IRF6: variants seen among roughly 807,000 people sequenced by gnomAD.
IRF6 encodes the protein Van der Woude syndrome.
A neutral mutation model predicts 51.4 loss-of-function variants in IRF6; 6 were observed. The ratio of observed to expected loss-of-function variants is 0.12; its 90% CI spans 0.06 to 0.23. The LOEUF (loss-of-function observed/expected upper bound fraction) is 0.23, where lower values mean the gene tolerates loss of function less well. Among genes scored for constraint, IRF6 ranks in the 10% least tolerant of loss-of-function variants. The pLI is 1.00. For missense variants in IRF6, 348 were observed against 585.2 expected, an observed-to-expected ratio of 0.59 and a Z score of 4.18; for synonymous variants, 178 against 215.7, an observed-to-expected ratio of 0.83 and a Z score of 1.53.
rs2077844045 is a variant in IRF6 at position 209,787,863 on chromosome 1, C to G, written c.*557G>C. The stretch of plus-strand genomic sequence containing the variant: ...CCCTCTCACTTCCCCCATCAGGGAG[C>G]CAGCTTACTATACTAGCAGAACAGG... On this transcript the variant is annotated 3_prime_UTR_variant, in exon 9 of 9. Transcript: ENST00000367021. The G allele has an allele frequency of 6.5e-6, 1 of 153,492 alleles. No individual in the cohort carries two copies. The highest frequency in any genetic ancestry group is 1.5e-5 in the Non-Finnish European group (1 of 68,812). 9.5% of individuals were successfully genotyped at this position (153,492 alleles called of 1,614,324 possible).
At chr1:209,797,546 C>T (rs1032185333) in intron 3 of IRF6, among the ~76,000 whole-genome samples, 13 of 152,260 alleles carry the variant, frequency 8.5e-5, no homozygotes, top group Admixed American at 7.2e-4. Context: ...AAACATCATG[C>T]TGTCAACCAC....
intron 6 of IRF6, 131 bp downstream of exon 6, chr1:209,792,138 C>A: frequency 9.9e-7 from 1 of 1,007,036 alleles, no homozygotes; most frequent in Non-Finnish European, 1.5e-6. Flanking sequence ...AGCCAGGAAA[C>A]AGAAACAGAG....
At chr1:209,793,539 G>T (rs551629068) in intron 5 of IRF6, among the ~76,000 whole-genome samples, 1 of 152,006 alleles carries the variant, frequency 6.6e-6, no homozygotes. Flanking sequence ...TTCACTAAGC[G>T]GGAATGTAAC....
At chr1:209,804,203 T>G (rs931443197) in intron 1 of IRF6, among the ~76,000 whole-genome samples, 1 of 152,156 alleles carries the variant, frequency 6.6e-6, no homozygotes, top group Non-Finnish European at 1.5e-5. Context: ...TGTGTAGGCT[T>G]TACAATTTTT....
At chr1:209,792,515 C>T in intron 5 of IRF6, 88 bp from the exon 6 acceptor site, 1 of 1,427,088 alleles carries the variant, frequency 7.0e-7, no homozygotes, top group Non-Finnish European at 9.7e-7. Context: ...GGTCAGTAGA[C>T]AAGAACCAAA....
In IRF6 at chr1:209,795,285, C is replaced by G; in HGVS notation, c.508+5G>C. On this transcript the variant is annotated splice_donor_5th_base_variant and intron_variant, in intron 5 of 8. Transcript: ENST00000367021. ...GTCTCTGTACCACCCATCATCCCCA[C>G]TCACCATTGATGTTCAGGAAGGGGA... 2 of 1,614,204 alleles carry G rather than the reference C, an allele frequency of 1.2e-6. No individual in the cohort carries two copies. The highest frequency in any genetic ancestry group is 1.1e-5 in the South Asian group (1 of 91,086).
At chr1:209,804,475 C>G (rs1421056016) in intron 1 of IRF6, among the ~76,000 whole-genome samples, 2 of 152,196 alleles carry the variant, frequency 1.3e-5, no homozygotes, top group Admixed American at 6.5e-5. Context: ...CATCCACTCT[C>G]AAACACACCT....
Position 209,788,387 on chromosome 1 carries a change from TA to T in IRF6, c.*32del. On this transcript the variant is annotated 3_prime_UTR_variant, in exon 9 of 9. Transcript: ENST00000367021. ...AAAAAAATCCATATGTACAATATTA[TA>T]AAAAAGAGAAGGAAGAAGATGGCAT... The T allele has an allele frequency of 7.3e-7, 1 of 1,377,716 alleles. No homozygotes were observed. Among genetic ancestry groups the T allele is most frequent in the Non-Finnish European group, 1.0e-6 (1 of 968,404 alleles). The allele number at this position is 1,377,716 out of a possible 1,614,324, so 85.3% of individuals were successfully genotyped here.
Position 209,790,843 on chromosome 1 carries a change from C to T in IRF6, c.712G>A (p.Gly238Arg), listed in dbSNP as rs1474008593. The change falls in exon 7 of 9, where the codon GGG becomes AGG. Residue 238 changes from glycine (G) to arginine (R), a missense_variant. Gly to Arg is a moderately radical substitution (Grantham distance 125). This residue lies in a region of IRF6 where 125 missense variants were observed against 222.0 expected (regional missense o/e 0.56). Coordinates refer to ENST00000367021, the MANE Select transcript of IRF6 (RefSeq NM_006147.4). The surrounding 1 kb of genome is among the most constrained non-coding windows in gnomAD (Gnocchi z 4.8). ...IKFQYRGKEYGQTMTVSNPQG... is the reference protein window; with the variant it reads ...IKFQYRGKEYRQTMTVSNPQG... Reference sequence around the variant, plus strand: ...GGGTTGCTCACGGTCATGGTCTGCCCGTACTCCTTCCCACGGTACTGAAAC... The same window carrying T: ...GGGTTGCTCACGGTCATGGTCTGCCTGTACTCCTTCCCACGGTACTGAAAC... 13 of 1,613,446 alleles carry T rather than the reference C, an allele frequency of 8.1e-6. No homozygotes were observed. Among genetic ancestry groups the T allele is most frequent in the African/African-American group, 1.3e-5 (1 of 75,032 alleles).
chr1:209,796,368 T>C lies in IRF6; in HGVS notation c.359A>G (p.Gln120Arg), dbSNP rs767916600. The C allele has an allele frequency of 2.5e-6, 4 of 1,614,046 alleles. No homozygotes were observed. Among genetic ancestry groups the C allele is most frequent in the Non-Finnish European group, 1.7e-6 (2 of 1,180,016 alleles). ...CTCACCTGGGTTAATGATCGAGCCCTGGGGCTGAGGGATGTCACACACTTG... is the reference window on the plus strand; with the variant it reads ...CTCACCTGGGTTAATGATCGAGCCCCGGGGCTGAGGGATGTCACACACTTG... ...IYQVCDIPQPQGSIINPGSTG... is the reference protein window; with the variant it reads ...IYQVCDIPQPRGSIINPGSTG... Residue 120 changes from glutamine (Q) to arginine (R), a missense_variant, in exon 4 of 9, where the codon CAG becomes CGG. Gln to Arg is a conservative substitution (Grantham distance 43). Around this residue, in one of 5 missense-constraint regions of IRF6, gnomAD observed 124 missense variants for 141.6 expected, o/e 0.88. Transcript: ENST00000367021. The surrounding 1 kb of genome is among the most constrained non-coding windows in gnomAD (Gnocchi z 4.5).
chr1:209,803,472 C>A (rs1305941321), intron 1 of IRF6, among the ~76,000 whole-genome samples: 1 of 152,186 alleles, frequency 6.6e-6, no homozygotes, highest in Non-Finnish European at 1.5e-5. Flanking sequence ...AGGAGCTGCA[C>A]CTGATGATGG....
chr1:209,793,198 A>C (rs1364409247), intron 5 of IRF6: 1 of 152,160 alleles, frequency 6.6e-6, no homozygotes, highest in Non-Finnish European at 1.5e-5. Context: ...AATCACAAAG[A>C]TTAATGTTTC....
In IRF6 at chr1:209,788,305, A is replaced by G. The variant is rs1415926594; in HGVS notation, c.*115T>C. 1 of 713,778 alleles carries G rather than the reference A, an allele frequency of 1.4e-6. No homozygotes were observed. The highest frequency in any genetic ancestry group is 2.3e-6 in the Non-Finnish European group (1 of 427,500). The allele number at this position is 713,778 out of a possible 1,614,324, so 44.2% of individuals were successfully genotyped here. ...ATCTAGGCATATTTGGAGAATCACA[A>G]ACTTCTAACACTGTTAGAGAAAAGA... On this transcript the variant is annotated 3_prime_UTR_variant, in exon 9 of 9. Transcript: ENST00000367021.
chr1:209,796,711 G>A lies in IRF6; in HGVS notation c.175-159C>T, dbSNP rs756478799. Among the ~76,000 whole-genome samples the A allele has an allele frequency of 1.3e-5, 2 of 148,654 alleles. No individual in the cohort carries two copies. The highest frequency in any genetic ancestry group is 2.5e-5 in the African/African-American group (1 of 39,980). On this transcript the variant is annotated intron_variant, in intron 3 of 8. Transcript: ENST00000367021. This position sits in a 1 kb window ranked among gnomAD's most constrained non-coding sequence, Gnocchi z 4.5. ...ATGACTGCCCCATCATCCCAACCCCGATTTACAGAGACTGCAGCAGGAAAC... is the reference window on the plus strand; with the variant it reads ...ATGACTGCCCCATCATCCCAACCCCAATTTACAGAGACTGCAGCAGGAAAC...
rs761427808 is a variant in IRF6, at chr1:209,795,394, T to C, written c.404A>G (p.Asp135Gly). The change falls in exon 5 of 9, where the codon GAT becomes GGT. Residue 135 changes from aspartate (D) to glycine (G), a missense_variant. By Grantham distance (94) the Asp-to-Gly change is moderately conservative. Coordinates refer to ENST00000367021, the MANE Select transcript of IRF6 (RefSeq NM_006147.4). ...NPGSTGSAPWDEKDNDVDEED... is the reference protein window; with the variant it reads ...NPGSTGSAPWGEKDNDVDEED... ...TTCATCCACATCATTATCCTTCTCA[T>C]CCCAGGGAGCAGACCCTGTGGATCC... 7.4e-6 allele frequency: 12 copies of C among 1,614,002 alleles called. No homozygotes were observed. Among genetic ancestry groups the C allele is most frequent in the East Asian group, 2.2e-5 (1 of 44,892 alleles).
chr1:209,795,259 T>A (rs1250615266), intron 5 of IRF6, 31 bp downstream of exon 5: 13 of 1,613,296 alleles, frequency 8.1e-6, no homozygotes, highest in Non-Finnish European at 1.1e-5. Context: ...ATCCTCCATA[T>A]GTCTCTGTAC....
At chr1:209,797,928 T>C (rs2077914164) in intron 3 of IRF6, among the ~76,000 whole-genome samples, 1 of 152,184 alleles carries the variant, frequency 6.6e-6, no homozygotes, top group Admixed American at 6.5e-5. Context: ...CAACAGTGTA[T>C]ATGATTTGTC....
At chr1:209,793,103 A>G (rs1264416729) in intron 5 of IRF6, 3 of 152,226 alleles carry the variant, frequency 2.0e-5, no homozygotes, top group Non-Finnish European at 2.9e-5. Context: ...GACTTGCTCC[A>G]AAGTCTACAG....
In IRF6 at chr1:209,792,502, C is replaced by A. The variant is rs866824050; in HGVS notation, c.509-75G>T. On this transcript the variant is annotated intron_variant, in intron 5 of 8. Coordinates refer to ENST00000367021, the MANE Select transcript of IRF6 (RefSeq NM_006147.4). ...CACTTGCTGATGCTCTGAGAACTCA[C>A]AAGGTCAGTAGACAAGAACCAAACA... is the stretch of plus-strand genomic sequence containing the variant. 1.1e-4 allele frequency: 174 copies of A among 1,522,136 alleles called. 1 individual carries two copies. In the Middle Eastern group the frequency reaches 1.4e-3, roughly 12 times the overall value. The allele number at this position is 1,522,136 out of a possible 1,614,324, so 94.3% of individuals were successfully genotyped here. A position where few individuals can be genotyped will look rare whatever the true frequency, so the allele number is the denominator to read the frequency against.
Sources: gnomAD v4.1 joint callset for allele counts (sites outside exome capture counted in the v4.1 genomes callset) on GRCh38, gnomAD v4.1.1 for gene constraint, gnomAD v4.1.1 regional missense constraint, Gnocchi (gnomAD v3.1) non-coding constraint, MANE v1.5 for transcripts, NCBI Gene and HGNC (gene_info 2026-07-23, HGNC 2026-07-21) for gene names.